SIL1: variants seen among roughly 807,000 people sequenced by gnomAD.
SIL1 encodes nucleotide exchange factor SIL1.
In SIL1, 40 loss-of-function variants were observed where a neutral mutation model predicts 49.1. The ratio of observed to expected loss-of-function variants is 0.81; its 90% CI spans 0.63 to 1.06. The LOEUF (loss-of-function observed/expected upper bound fraction) is 1.06. Ranked by LOEUF, SIL1 falls within the 50% of genes least tolerant of loss-of-function variation. The pLI is 0.00. For synonymous variants in SIL1, 253 were observed against 250.8 expected (o/e 1.01, Z -0.08); for missense variants, 500 against 572.6 (o/e 0.87, Z 1.29).
intron 5 of SIL1, among the ~76,000 whole-genome samples, chr5:139,041,237 G>A (rs756642647): frequency 3.9e-5 from 6 of 152,166 alleles, no homozygotes; most frequent in African/African-American, 9.7e-5. Flanking sequence ...ACCAAGCCAC[G>A]TGCCCTCCCA....
intron 1 of SIL1, among the ~76,000 whole-genome samples, chr5:139,175,285 C>G (rs1011588290): frequency 7.9e-5 from 12 of 152,158 alleles, no homozygotes; most frequent in African/African-American, 2.7e-4. Context: ...CGCACCACTG[C>G]ACTCCAGCCT....
intron 9 of SIL1, among the ~76,000 whole-genome samples, chr5:138,949,174 C>T (rs991297012): frequency 3.3e-5 from 5 of 152,220 alleles, no homozygotes; most frequent in Non-Finnish European, 5.9e-5. Flanking sequence ...AGGCAGGGTC[C>T]CCCTGCGGCC....
chr5:139,054,052 G>A (rs1769350908), intron 3 of SIL1, among the ~76,000 whole-genome samples: 4 of 152,128 alleles, frequency 2.6e-5, no homozygotes, highest in African/African-American at 9.7e-5. Flanking sequence ...AGGCTGAGAC[G>A]AGGGGATCAC....
chr5:139,093,431 G>A (rs1038370470), intron 3 of SIL1, among the ~76,000 whole-genome samples: 4 of 152,140 alleles, frequency 2.6e-5, no homozygotes, highest in African/African-American at 4.8e-5. Context: ...CCTTCAGAGC[G>A]CAGTTAGCTC....
At chr5:139,011,337 C>T (rs989330205) in intron 7 of SIL1, among the ~76,000 whole-genome samples, 3 of 152,232 alleles carry the variant, frequency 2.0e-5, no homozygotes, top group African/African-American at 7.2e-5. Flanking sequence ...ACCGTGCGCG[C>T]ACCCACTGGC....
chr5:139,136,444 A>G (rs1229187733), intron 1 of SIL1, among the ~76,000 whole-genome samples: 1 of 152,216 alleles, frequency 6.6e-6, no homozygotes, highest in East Asian at 1.9e-4. Context: ...CTTTCTAGGG[A>G]GAAACCTTAG....
At chr5:138,964,147 C>T (rs1482389592) in intron 7 of SIL1, among the ~76,000 whole-genome samples, 1 of 152,206 alleles carries the variant, frequency 6.6e-6, no homozygotes, top group African/African-American at 2.4e-5. Flanking sequence ...CTTCAAGGGA[C>T]AGAATGATGG....
chr5:139,056,095 C>T (rs1267351936), intron 3 of SIL1, among the ~76,000 whole-genome samples: 1 of 151,628 alleles, frequency 6.6e-6, no homozygotes, highest in Non-Finnish European at 1.5e-5. Flanking sequence ...GCCGCCACCC[C>T]GTCTGGGAAG....
At chr5:139,135,392 C>G (rs1425189257) in intron 1 of SIL1, among the ~76,000 whole-genome samples, 1 of 152,172 alleles carries the variant, frequency 6.6e-6, no homozygotes, top group Non-Finnish European at 1.5e-5. Context: ...CACAATGGAT[C>G]CAAGCCTCTG....
At chr5:138,988,233 C>T (rs1303627954) in intron 7 of SIL1, among the ~76,000 whole-genome samples, 3 of 152,200 alleles carry the variant, frequency 2.0e-5, no homozygotes, top group Admixed American at 6.5e-5. Context: ...AGCACAGACC[C>T]GTACACCTGG....
chr5:139,172,590 G>A (rs762918761), intron 1 of SIL1, among the ~76,000 whole-genome samples: 19 of 148,366 alleles, frequency 1.3e-4, no homozygotes, highest in Non-Finnish European at 2.4e-4. Flanking sequence ...GCAAGATCAC[G>A]CCACTGCACT....
intron 7 of SIL1, among the ~76,000 whole-genome samples, chr5:138,982,468 C>T (rs574514213): frequency 3.7e-4 from 56 of 152,324 alleles, no homozygotes; most frequent in Non-Finnish European, 6.8e-4. Flanking sequence ...GATGCCCTAT[C>T]GATTTTTAAG....
chr5:139,045,893 A>G (rs1435787553), intron 4 of SIL1, among the ~76,000 whole-genome samples: 1 of 152,210 alleles, frequency 6.6e-6, no homozygotes, highest in Non-Finnish European at 1.5e-5. Context: ...AAATTCATTC[A>G]GTCTCTGTTA....
intron 3 of SIL1, among the ~76,000 whole-genome samples, chr5:139,087,374 G>A (rs1055639315): frequency 6.6e-6 from 1 of 152,132 alleles, no homozygotes; most frequent in Non-Finnish European, 1.5e-5. Context: ...GTGGGGAAGA[G>A]TGAGGCCACA....
intron 3 of SIL1, among the ~76,000 whole-genome samples, chr5:139,090,846 T>C: frequency 6.6e-6 from 1 of 152,160 alleles, no homozygotes. Flanking sequence ...CTTCAATCCA[T>C]CTGCCCACCT....
intron 5 of SIL1, chr5:139,035,501 C>T: frequency 3.7e-6 from 2 of 537,210 alleles, no homozygotes; most frequent in Non-Finnish European, 7.3e-6. Context: ...CACCGGCTGC[C>T]TTGGCAATGT....
chr5:139,152,573 A>G (rs1751325512), intron 1 of SIL1, among the ~76,000 whole-genome samples: 1 of 151,194 alleles, frequency 6.6e-6, no homozygotes, highest in Admixed American at 6.6e-5. Context: ...GTGAGCCGAG[A>G]TCATGCCACT....
chr5:139,011,238 G>C (rs1305402374), intron 7 of SIL1, among the ~76,000 whole-genome samples: 11 of 148,736 alleles, frequency 7.4e-5, no homozygotes, highest in Non-Finnish European at 1.6e-4. Context: ...AGGTGCGTCC[G>C]TCACCCCTTT....
chr5:138,971,549 C>T (rs1213414566), intron 7 of SIL1, among the ~76,000 whole-genome samples: 1 of 152,170 alleles, frequency 6.6e-6, no homozygotes, highest in Non-Finnish European at 1.5e-5. Flanking sequence ...ATCTTCTTCT[C>T]AGAGCACAGA....
Sources: gnomAD v4.1 joint callset for allele counts (sites outside exome capture counted in the v4.1 genomes callset) on GRCh38, gnomAD v4.1.1 for gene constraint, MANE v1.5 for transcripts, NCBI Gene and HGNC (gene_info 2026-07-23, HGNC 2026-07-21) for gene names.